The following METAP1 variants were observed in gnomAD, a reference collection of about 807,000 sequenced individuals.
The protein encoded by METAP1 is methionyl aminopeptidase 1.
Under a neutral mutation model 53.8 loss-of-function variants are expected in METAP1, and 28 were observed. The observed-to-expected ratio is 0.52, with a 90% CI of 0.39 to 0.71. The LOEUF (loss-of-function observed/expected upper bound fraction) is 0.71. Ranked by LOEUF, METAP1 falls within the 30% of genes least tolerant of loss-of-function variation. The probability of loss-of-function intolerance (pLI) is 0.00; values close to 1 mark genes in which losing one functional copy is unlikely to be tolerated. For missense variants in METAP1, 389 were observed against 479.8 expected (o/e 0.81, Z 1.77); for synonymous variants, 181 against 165.7 (o/e 1.09, Z -0.71).
chr4:99,045,108 C>A, intron 7 of METAP1, 71 bp from the exon 8 acceptor site: 2 of 1,475,444 alleles, frequency 1.4e-6, no homozygotes, highest in Non-Finnish European at 1.9e-6. Context: ...TAGATGCTGT[C>A]ATGTTGGAAA....
chr4:99,017,847 C>A lies in METAP1; in HGVS notation c.115-11020C>A, dbSNP rs547733463. Among the ~76,000 whole-genome samples the A allele has an allele frequency of 2.6e-5, 4 of 152,366 alleles. No individual in the cohort carries two copies. The South Asian group carries it at 8.3e-4, about 32-fold the overall frequency. On this transcript the variant is annotated intron_variant, in intron 1 of 10. Transcript: ENST00000296411. Reference sequence around the variant, plus strand: ...TGGGGACAGCCACTGGCAACTGGATCTAAGACTTTGGACAGAAAGGCAACT... The same window carrying A: ...TGGGGACAGCCACTGGCAACTGGATATAAGACTTTGGACAGAAAGGCAACT...
At chr4:99,022,598 C>A in intron 1 of METAP1, 1 of 682,412 alleles carries the variant, frequency 1.5e-6, no homozygotes, top group Non-Finnish European at 2.6e-6. Flanking sequence ...TCACACTTGG[C>A]CTGAGTGACC....
At chr4:99,011,492 G>GA (rs759277362) in intron 1 of METAP1, among the ~76,000 whole-genome samples, 8 of 152,088 alleles carry the variant, frequency 5.3e-5, no homozygotes, top group Non-Finnish European at 1.2e-4. Flanking sequence ...TTGCATTCCT[G>GA]GAATAAATTC....
chr4:99,057,454 TC>T (rs1028901199), intron 9 of METAP1, among the ~76,000 whole-genome samples: 4 of 152,232 alleles, frequency 2.6e-5, no homozygotes, highest in African/African-American at 9.7e-5. Flanking sequence ...TTTCTTTTAT[TC>T]TTTATTTGCC....
intron 1 of METAP1, chr4:99,023,329 A>G: frequency 2.7e-6 from 2 of 752,202 alleles, no homozygotes; most frequent in Non-Finnish European, 3.3e-6. Flanking sequence ...TCCTTTGGTT[A>G]ACTATTTGGA....
At chr4:99,053,882 A>G (rs1180144283) in intron 9 of METAP1, among the ~76,000 whole-genome samples, 2 of 150,152 alleles carry the variant, frequency 1.3e-5, no homozygotes, top group Admixed American at 1.3e-4. Flanking sequence ...TATTAATTAT[A>G]TTAACTATAT....
intron 3 of METAP1, 117 bp downstream of exon 3, chr4:99,034,459 C>A (rs1017573950): frequency 1.5e-6 from 1 of 661,672 alleles, no homozygotes; most frequent in African/African-American, 1.8e-5. Flanking sequence ...CAAAGGAACT[C>A]GAATTTTAGC....
chr4:99,029,472 TGA>T (rs1190397090), intron 2 of METAP1, among the ~76,000 whole-genome samples: 4 of 152,194 alleles, frequency 2.6e-5, no homozygotes, highest in African/African-American at 9.6e-5. Context: ...CTGATGTAGC[TGA>T]GATTCACATT....
chr4:98,996,877 A>G (rs1449577578), intron 1 of METAP1, among the ~76,000 whole-genome samples: 1 of 152,224 alleles, frequency 6.6e-6, no homozygotes, highest in East Asian at 1.9e-4. Flanking sequence ...GGAGAGCCGG[A>G]ATAAAGAGAA....
At chr4:99,004,007 C>T (rs1195146959) in intron 1 of METAP1, among the ~76,000 whole-genome samples, 1 of 152,154 alleles carries the variant, frequency 6.6e-6, no homozygotes, top group Admixed American at 6.5e-5. Context: ...TCTCATGGCT[C>T]CCCCTCTTTG....
chr4:99,039,999 T>C (rs1385598687), intron 5 of METAP1, among the ~76,000 whole-genome samples: 1 of 152,232 alleles, frequency 6.6e-6, no homozygotes, highest in Non-Finnish European at 1.5e-5. Context: ...AGTGCTGGGA[T>C]TACAGGCGTG....
intron 1 of METAP1, chr4:99,023,247 CTT>C: frequency 2.1e-6 from 1 of 468,056 alleles, no homozygotes; most frequent in Non-Finnish European, 3.4e-6. Context: ...TCTAAATTCT[CTT>C]TTTCACAATA....
intron 3 of METAP1, among the ~76,000 whole-genome samples, chr4:99,034,611 A>T (rs1187920275): frequency 1.3e-5 from 2 of 152,092 alleles, no homozygotes; most frequent in East Asian, 3.9e-4. Context: ...TGCTGGCATG[A>T]TGGTAGTGTG....
rs1252362261 is a variant in METAP1 at position 99,000,091 on chromosome 4, G to GA, written c.114+4228dup. On this transcript the variant is annotated intron_variant, in intron 1 of 10. Coordinates refer to ENST00000296411, the MANE Select transcript of METAP1 (RefSeq NM_015143.3). ...AAAAGACATCAGTGGGCTTGCAATG[G>GA]AAAACAAAGAAATTCTGTATTTACA... Among the ~76,000 whole-genome samples the GA allele has an allele frequency of 2.6e-5, 4 of 152,280 alleles. No individual in the cohort carries two copies. In the East Asian group the frequency reaches 7.7e-4, roughly 29 times the overall value.
intron 1 of METAP1, among the ~76,000 whole-genome samples, chr4:99,017,991 T>C (rs1485714471): frequency 1.3e-5 from 2 of 152,284 alleles, no homozygotes; most frequent in African/African-American, 4.8e-5. Flanking sequence ...GGGGCAGATA[T>C]TAATCATGCT....
chr4:99,061,143 G>A lies in METAP1; in HGVS notation c.998-11G>A, dbSNP rs946112618. The A allele has an allele frequency of 6.3e-7, 1 of 1,599,904 alleles. No individual in the cohort carries two copies. Among genetic ancestry groups the A allele is most frequent in the African/African-American group, 1.4e-5 (1 of 74,062 alleles). On this transcript the variant is annotated splice_polypyrimidine_tract_variant and intron_variant, in intron 10 of 10. Coordinates refer to ENST00000296411, the MANE Select transcript of METAP1 (RefSeq NM_015143.3). ...CTGAGTGAACTAAGAAATTGTTTTT[G>A]TTTGTTGAAGGCGGATGGCAGGATG... is the stretch of plus-strand genomic sequence containing the variant.
chr4:99,051,528 A>G (rs1289025719), intron 9 of METAP1, among the ~76,000 whole-genome samples: 1 of 150,042 alleles, frequency 6.7e-6, no homozygotes, highest in South Asian at 2.1e-4. Context: ...AGTAGCTGGT[A>G]CTTCAGGTGT....
chr4:99,033,250 T>G (rs1189446711), intron 2 of METAP1, among the ~76,000 whole-genome samples: 3 of 152,104 alleles, frequency 2.0e-5, no homozygotes, highest in Non-Finnish European at 4.4e-5. Flanking sequence ...GAGGGGAGTT[T>G]TATTTTTTTT....
chr4:99,043,552 G>C (rs936637060), intron 7 of METAP1, among the ~76,000 whole-genome samples, 165 bp downstream of exon 7: 3 of 152,182 alleles, frequency 2.0e-5, no homozygotes, highest in Admixed American at 2.0e-4. Context: ...TCTCTTAACG[G>C]TTTTGTGCAT....
Sources: gnomAD v4.1 joint callset for allele counts (sites outside exome capture counted in the v4.1 genomes callset) on GRCh38, gnomAD v4.1.1 for gene constraint, MANE v1.5 for transcripts, NCBI Gene and HGNC (gene_info 2026-07-23, HGNC 2026-07-21) for gene names.